The following TGFBI variants were observed in gnomAD, a reference collection of about 807,000 sequenced individuals.
The protein encoded by TGFBI is transforming growth factor beta induced, also known as transforming growth factor-beta-induced protein ig-h3.
A neutral mutation model predicts 73.7 loss-of-function variants in TGFBI; 50 were observed. The observed-to-expected ratio is 0.68, with a 90% CI of 0.54 to 0.86. The LOEUF (loss-of-function observed/expected upper bound fraction) is 0.86, where lower values mean the gene tolerates loss of function less well. Among genes scored for constraint, TGFBI ranks in the 40% least tolerant of loss-of-function variants. The pLI is 0.00. For missense variants in TGFBI, 839 were observed against 877.0 expected (o/e 0.96, Z 0.55); for synonymous variants, 362 against 360.5 (o/e 1.00, Z -0.05).
intron 7 of TGFBI, among the ~76,000 whole-genome samples, chr5:136,051,989 G>GCCT (rs368967832): frequency 9.9e-4 from 151 of 152,282 alleles, no homozygotes; most frequent in African/African-American, 3.5e-3. Flanking sequence ...ATTGAAACTC[G>GCCT]CCTCCGTGGT....
chr5:136,058,384 A>G (rs1036738996), intron 12 of TGFBI, among the ~76,000 whole-genome samples: 3 of 152,034 alleles, frequency 2.0e-5, no homozygotes, highest in Non-Finnish European at 4.4e-5. Context: ...AAACTTTCGG[A>G]ATGACCTCCC....
At position 136,046,368 on chromosome 5, in the gene TGFBI, G is replaced by A; in HGVS notation, c.332G>A (p.Gly111Glu). Residue 111 changes from glycine (G) to glutamate (E), a missense_variant, in exon 4 of 17, where the codon GGA becomes GAA. Transcript: ENST00000442011. Reference sequence around the variant, plus strand: ...CTCTCAAACCTTTACGAGACCCTGGGAGTCGTTGGATCCACCACCACTCAG... The same window carrying A: ...CTCTCAAACCTTTACGAGACCCTGGAAGTCGTTGGATCCACCACCACTCAG... The part of the protein sequence containing the change: ...LPLSNLYETL[G>E]VVGSTTTQLY... 6.2e-7 allele frequency: 1 copy of A among 1,613,930 alleles called. No homozygotes were observed. The highest frequency in any genetic ancestry group is 8.5e-7 in the Non-Finnish European group (1 of 1,179,874).
intron 7 of TGFBI, among the ~76,000 whole-genome samples, chr5:136,050,869 C>T (rs1018462727): frequency 2.0e-5 from 3 of 152,158 alleles, no homozygotes; most frequent in Non-Finnish European, 4.4e-5. Flanking sequence ...CCTCTATGCG[C>T]CTGGCCGGCA....
rs979574850 is a variant in TGFBI at position 136,062,608 on chromosome 5, G to A, written c.1987-55G>A. 3.2e-6 allele frequency: 5 copies of A among 1,539,460 alleles called. No individual in the cohort carries two copies. In the Admixed American group the frequency reaches 5.9e-5, roughly 18 times the overall value. Reference sequence around the variant, plus strand: ...GCAATGGGCAAAGCCATTGTCATAAGCAGTTGCAGGTATAACTTTCACTAG... The same window carrying A: ...GCAATGGGCAAAGCCATTGTCATAAACAGTTGCAGGTATAACTTTCACTAG... On this transcript the variant is annotated intron_variant, in intron 15 of 16. Transcript: ENST00000442011.
Position 136,046,897 on chromosome 5 carries a change from A to G in TGFBI, c.506A>G (p.Asn169Ser), listed in dbSNP as rs1030275512. 1.9e-6 allele frequency: 3 copies of G among 1,613,670 alleles called. No individual in the cohort carries two copies. The highest frequency in any genetic ancestry group is 2.7e-5 in the African/African-American group (2 of 75,004). The part of the protein sequence containing the change: ...LVSNVNIELL[N>S]ALRYHMVGRR... ...AGCAATGTCAACATTGAGCTGCTCAATGCCCTCCGCTACCATATGGTGGGC... is the reference window on the plus strand; with the variant it reads ...AGCAATGTCAACATTGAGCTGCTCAGTGCCCTCCGCTACCATATGGTGGGC... Residue 169 changes from asparagine to serine, a missense_variant, in exon 5 of 17, where the codon AAT becomes AGT. Coordinates refer to ENST00000442011, the MANE Select transcript of TGFBI (RefSeq NM_000358.3).
intron 1 of TGFBI, among the ~76,000 whole-genome samples, chr5:136,031,385 C>T (rs945428332): frequency 2.6e-5 from 4 of 152,252 alleles, no homozygotes; most frequent in Non-Finnish European, 4.4e-5. Context: ...GGAATTGTAG[C>T]GTGCTGCCTG....
rs183914150 is a variant in TGFBI, at chr5:136,055,464, T to C, written c.1411-216T>C. 519 of 415,022 alleles carry C rather than the reference T, an allele frequency of 1.3e-3. 1 individual carries two copies. The highest frequency in any genetic ancestry group is 9.4e-3 in the African/African-American group (464 of 49,412). The allele number at this position is 415,022 out of a possible 1,614,324, so 25.7% of individuals were successfully genotyped here. On this transcript the variant is annotated intron_variant, in intron 10 of 16. Coordinates refer to ENST00000442011, the MANE Select transcript of TGFBI (RefSeq NM_000358.3). ...ATTATGGGACCTCTGTGTGACTTTA[T>C]TGGGGCCTCTCTAACCGTTCTTTCC...
At chr5:136,038,063 A>C (rs1427077526) in intron 2 of TGFBI, among the ~76,000 whole-genome samples, 1 of 152,174 alleles carries the variant, frequency 6.6e-6, no homozygotes, top group African/African-American at 2.4e-5. Context: ...CTCTTGAATA[A>C]TCTGCTCTGG....
intron 7 of TGFBI, among the ~76,000 whole-genome samples, chr5:136,050,253 AC>A (rs1174254809): frequency 6.6e-6 from 1 of 151,060 alleles, no homozygotes; most frequent in Non-Finnish European, 1.5e-5. Context: ...AACCACTTGA[AC>A]CCAGGAGGTG....
rs560533561 is a variant in TGFBI, at chr5:136,029,071, C to A, written c.16C>A (p.Arg6=). The A allele has an allele frequency of 6.5e-5, 99 of 1,527,708 alleles. No homozygotes were observed. The African/African-American group carries it at 1.3e-3, about 20-fold the overall frequency. 94.6% of individuals were successfully genotyped at this position (1,527,708 alleles called of 1,614,324 possible). ...GTCCCGCTCCATGGCGCTCTTCGTG[C>A]GGCTGCTGGCTCTCGCCCTGGCTCT... The part of the protein sequence containing the change: MALFV[R]LLALALALAL... The change falls in exon 1 of 17, where the codon CGG becomes AGG. Residue 6 remains arginine (R), a synonymous_variant. Coordinates refer to ENST00000442011, the MANE Select transcript of TGFBI (RefSeq NM_000358.3).
chr5:136,031,088 G>A (rs1338591703), intron 1 of TGFBI, among the ~76,000 whole-genome samples: 3 of 152,194 alleles, frequency 2.0e-5, no homozygotes, highest in Non-Finnish European at 2.9e-5. Context: ...CTGCAGCACA[G>A]CTGGAAAGGC....
chr5:136,053,392 C>A lies in TGFBI; in HGVS notation c.1126+273C>A, dbSNP rs1398872281. Among the ~76,000 whole-genome samples, 4 of 152,368 alleles carry A rather than the reference C, an allele frequency of 2.6e-5. No individual in the cohort carries two copies. The East Asian group carries it at 7.7e-4, about 29-fold the overall frequency. ...AGAGGCCTTTCAGAAGATCTGCCTG[C>A]TGTGCATGGGCAAAGAGGGCCACTT... is the stretch of plus-strand genomic sequence containing the variant. On this transcript the variant is annotated intron_variant, in intron 8 of 16. Transcript: ENST00000442011.
At chr5:136,035,929 C>T (rs748111336) in intron 2 of TGFBI, among the ~76,000 whole-genome samples, 1 of 152,102 alleles carries the variant, frequency 6.6e-6, no homozygotes, top group Non-Finnish European at 1.5e-5. Flanking sequence ...TCGGGGGTGC[C>T]GCTGGGCTGA....
At chr5:136,035,750 T>C (rs1456474927) in intron 2 of TGFBI, among the ~76,000 whole-genome samples, 1 of 152,118 alleles carries the variant, frequency 6.6e-6, no homozygotes, top group African/African-American at 2.4e-5. Flanking sequence ...CCTCACCTAA[T>C]TGCTTCTTGG....
At chr5:136,061,608 C>T in intron 15 of TGFBI, 29 bp downstream of exon 15, 1 of 1,589,338 alleles carries the variant, frequency 6.3e-7, no homozygotes, top group South Asian at 1.1e-5. Context: ...TTGCGCCTAG[C>T]CTGAGCAGCC....
At chr5:136,031,199 G>A (rs1316473916) in intron 1 of TGFBI, among the ~76,000 whole-genome samples, 1 of 152,220 alleles carries the variant, frequency 6.6e-6, no homozygotes, top group Non-Finnish European at 1.5e-5. Flanking sequence ...TGGCAAAATG[G>A]TTGCAGGCAC....
At chr5:136,056,467 G>A in intron 11 of TGFBI, 198 bp from the exon 12 acceptor site, 1 of 614,810 alleles carries the variant, frequency 1.6e-6, no homozygotes, top group South Asian at 2.2e-5. Flanking sequence ...ATTTTTGCTG[G>A]GTGGAGAGAG....
At chr5:136,055,522 G>A (rs1311036929) in intron 10 of TGFBI, 158 bp from the exon 11 acceptor site, 1 of 620,962 alleles carries the variant, frequency 1.6e-6, no homozygotes, top group Non-Finnish European at 2.4e-6. Context: ...TTATTTCCTG[G>A]AGAAAATACA....
chr5:136,059,084 C>T lies in TGFBI; in HGVS notation c.1679-6C>T, dbSNP rs377460734. The T allele has an allele frequency of 5.3e-5, 86 of 1,610,444 alleles. 1 individual carries two copies. The highest frequency in any genetic ancestry group is 7.1e-5 in the Non-Finnish European group (84 of 1,178,564). On this transcript the variant is annotated splice_region_variant and splice_polypyrimidine_tract_variant and intron_variant, in intron 12 of 16. Coordinates refer to ENST00000442011, the MANE Select transcript of TGFBI (RefSeq NM_000358.3). ...TAACTCTATCTCCTTTTCCCGCAAC[C>T]TGCAGGAGATGCCAAGGAACTTGCC...
Sources: allele counts gnomAD v4.1 joint callset (sites outside exome capture counted in the v4.1 genomes callset), GRCh38; gene constraint gnomAD v4.1.1; transcripts MANE v1.5; gene names NCBI Gene and HGNC (gene_info 2026-07-23, HGNC 2026-07-21).